The following SPAG9 variants were observed in gnomAD, a reference collection of about 807,000 sequenced individuals.
The protein encoded by SPAG9 is C-Jun-amino-terminal kinase-interacting protein 4.
In SPAG9, 35 loss-of-function variants were observed where a neutral mutation model predicts 166.5. That is an observed-to-expected ratio of 0.21 (90% confidence interval 0.16 to 0.28). The LOEUF (loss-of-function observed/expected upper bound fraction) is 0.28. Ranked by LOEUF, SPAG9 falls within the 10% of genes least tolerant of loss-of-function variation. The pLI is 1.00. For synonymous variants in SPAG9, 534 were observed against 565.5 expected, an observed-to-expected ratio of 0.94 and a Z score of 0.79; for missense variants, 1,235 against 1,603.3, an observed-to-expected ratio of 0.77 and a Z score of 3.92.
intron 9 of SPAG9, among the ~76,000 whole-genome samples, chr17:51,011,954 G>T (rs1436338973): frequency 6.6e-6 from 1 of 152,124 alleles, no homozygotes; most frequent in African/African-American, 2.4e-5. Context: ...AAAGTTTGGG[G>T]CCACCAACCT....
rs1169755982 is a variant in SPAG9 at position 51,095,891 on chromosome 17, A to G, written c.304-16187T>C. Among the ~76,000 whole-genome samples, 8 of 144,704 alleles carry G rather than the reference A, an allele frequency of 5.5e-5. No homozygotes were observed. The South Asian group carries it at 1.3e-3, about 23-fold the overall frequency. The allele number at this position is 144,704 out of a possible 152,430, so 94.9% of individuals were successfully genotyped here. ...ATAGTGATGTGATATATATAGTGAT[A>G]TATACAGTGATATATATAGTGATAT... On this transcript the variant is annotated intron_variant, in intron 1 of 29. Coordinates refer to ENST00000262013, the MANE Select transcript of SPAG9 (RefSeq NM_001130528.3).
At chr17:50,969,923 C>T (rs945450461) in intron 29 of SPAG9, among the ~76,000 whole-genome samples, 4 of 152,210 alleles carry the variant, frequency 2.6e-5, no homozygotes, top group Admixed American at 2.6e-4. Context: ...TATCTCTGCA[C>T]TGTTCTATAA....
chr17:51,086,085 C>T (rs1249802219), intron 1 of SPAG9, among the ~76,000 whole-genome samples: 1 of 149,364 alleles, frequency 6.7e-6, no homozygotes, highest in East Asian at 2.0e-4. Flanking sequence ...TCTCGTGCTT[C>T]AGCCTCTGGA....
chr17:51,060,129 A>G (rs2047463084), intron 2 of SPAG9, among the ~76,000 whole-genome samples: 2 of 152,038 alleles, frequency 1.3e-5, no homozygotes, highest in Admixed American at 6.6e-5. Context: ...TATGGACTGA[A>G]TTGTGCTCCC....
Position 51,015,433 on chromosome 17 carries a change from C to T in SPAG9, c.1092-1080G>A, listed in dbSNP as rs376400287. ...GGCACAGCTCCCTAATAATGGAAGC[C>T]AAGTTTAAATGTTATAGGCAGGAAA... On this transcript the variant is annotated intron_variant, in intron 8 of 29. Transcript: ENST00000262013. Among the ~76,000 whole-genome samples the T allele has an allele frequency of 7.9e-4, 120 of 152,066 alleles. No individual in the cohort carries two copies. In the Middle Eastern group the frequency reaches 0.01, roughly 13 times the overall value.
At chr17:51,051,828 T>C (rs1353165743) in intron 3 of SPAG9, among the ~76,000 whole-genome samples, 1 of 152,168 alleles carries the variant, frequency 6.6e-6, no homozygotes, top group Non-Finnish European at 1.5e-5. Flanking sequence ...AACCTCAATC[T>C]GTAAAATGGG....
At chr17:51,053,795 G>A (rs1442601793) in intron 3 of SPAG9, among the ~76,000 whole-genome samples, 3 of 133,916 alleles carry the variant, frequency 2.2e-5, no homozygotes, top group East Asian at 4.4e-4. Flanking sequence ...CTATGACTGC[G>A]CCACTGCACT....
intron 1 of SPAG9, among the ~76,000 whole-genome samples, chr17:51,114,611 C>CA (rs2049228469): frequency 6.6e-6 from 1 of 152,180 alleles, no homozygotes; most frequent in Admixed American, 6.5e-5. Context: ...GCCTGGGCAA[C>CA]AGAGCGTGAA....
In SPAG9 at chr17:51,056,717, C is replaced by T. The variant is rs547843776; in HGVS notation, c.425-235G>A. Among the ~76,000 whole-genome samples the T allele has an allele frequency of 1.6e-3, 241 of 152,164 alleles. 5 individuals carry two copies. Among genetic ancestry groups the T allele is most frequent in the Middle Eastern group, 6.8e-3 (2 of 294 alleles). On this transcript the variant is annotated intron_variant, in intron 2 of 29. Coordinates refer to ENST00000262013, the MANE Select transcript of SPAG9 (RefSeq NM_001130528.3). ...AATATTCCTATATTTATCAGGTCAT[C>T]CCCCTAAACAGTTTTTTTTTTAACA...
intron 3 of SPAG9, among the ~76,000 whole-genome samples, chr17:51,054,627 G>A (rs569268057): frequency 6.1e-4 from 92 of 151,684 alleles, no homozygotes; most frequent in Non-Finnish European, 1.3e-3. Context: ...TAGTAGAGAC[G>A]GGGTTTCACC....
At chr17:51,067,106 A>G (rs2047694979) in intron 2 of SPAG9, among the ~76,000 whole-genome samples, 1 of 152,200 alleles carries the variant, frequency 6.6e-6, no homozygotes, top group South Asian at 2.1e-4. Context: ...TAACATAAAG[A>G]TCATATATAA....
At chr17:51,089,870 G>T (rs1026437593) in intron 1 of SPAG9, among the ~76,000 whole-genome samples, 1 of 150,668 alleles carries the variant, frequency 6.6e-6, no homozygotes, top group Non-Finnish European at 1.5e-5. Flanking sequence ...TAGAGACAAG[G>T]TTTCACCATG....
intron 19 of SPAG9, among the ~76,000 whole-genome samples, chr17:50,992,669 G>A (rs1292985082): frequency 6.6e-6 from 1 of 152,078 alleles, no homozygotes; most frequent in Non-Finnish European, 1.5e-5. Flanking sequence ...AACAGAGTGA[G>A]GCCCTGTCTC....
intron 3 of SPAG9, among the ~76,000 whole-genome samples, chr17:51,053,861 A>ATATATATATATATG (rs2047269832): frequency 1.7e-5 from 1 of 58,860 alleles, no homozygotes; most frequent in African/African-American, 1.1e-4. Context: ...AAAAGTATAT[A>ATATATATATATATG]TATATATATA....
intron 6 of SPAG9, among the ~76,000 whole-genome samples, chr17:51,025,027 AAAAAAAATTGG>A (rs1459252610): frequency 2.0e-5 from 3 of 151,636 alleles, no homozygotes; most frequent in African/African-American, 7.3e-5. Context: ...TCAAAAAAAA[AAAAAAAATTGG>A]CCAGGTGCAG....
intron 2 of SPAG9, among the ~76,000 whole-genome samples, chr17:51,064,419 T>C (rs972642026): frequency 2.2e-4 from 33 of 152,212 alleles, no homozygotes; most frequent in Admixed American, 1.1e-3. Flanking sequence ...GACTTTCAGA[T>C]AGCAAAGTTA....
chr17:51,052,470 A>C (rs2047207504), intron 3 of SPAG9, among the ~76,000 whole-genome samples: 1 of 152,148 alleles, frequency 6.6e-6, no homozygotes, highest in African/African-American at 2.4e-5. Flanking sequence ...AGAGGATAGA[A>C]GCTGCTCATA....
intron 25 of SPAG9, 102 bp downstream of exon 25, chr17:50,982,422 G>T: frequency 8.9e-7 from 1 of 1,118,110 alleles, no homozygotes; most frequent in Non-Finnish European, 1.3e-6. Flanking sequence ...AAAACACACA[G>T]ATCCAGAAAC....
chr17:51,055,043 T>A lies in SPAG9; in HGVS notation c.495+1369A>T, dbSNP rs938476800. ...AATGGCTAGTATTAAAACATTTTTT[T>A]AAATAAATAAATAAACAGCAACGTC... On this transcript the variant is annotated intron_variant, in intron 3 of 29. Coordinates refer to ENST00000262013, the MANE Select transcript of SPAG9 (RefSeq NM_001130528.3). Among the ~76,000 whole-genome samples, 6 of 152,058 alleles carry A rather than the reference T, an allele frequency of 3.9e-5. No individual in the cohort carries two copies. In the South Asian group the frequency reaches 8.3e-4, roughly 21 times the overall value.
Sources: gnomAD v4.1 joint callset for allele counts (sites outside exome capture counted in the v4.1 genomes callset) on GRCh38, gnomAD v4.1.1 for gene constraint, MANE v1.5 for transcripts, NCBI Gene and HGNC (gene_info 2026-07-23, HGNC 2026-07-21) for gene names.